The following CTPS2 variants were observed in gnomAD, a reference collection of about 807,000 sequenced individuals.
The protein encoded by CTPS2 is CTP synthase II.
CTPS2 carries 19 observed loss-of-function variants against 46.8 expected under a neutral mutation model. The observed-to-expected ratio is 0.41, with a 90% CI of 0.28 to 0.60. The LOEUF (loss-of-function observed/expected upper bound fraction) is 0.60, where lower values mean the gene tolerates loss of function less well. Among genes scored for constraint, CTPS2 ranks in the 20% least tolerant of loss-of-function variants. CTPS2 has a pLI of 0.35. For missense variants in CTPS2, 286 were observed against 447.6 expected (o/e 0.64, Z 3.26); for synonymous variants, 151 against 165.2 (o/e 0.91, Z 0.66).
At chrX:16,702,326 T>A (rs1924651174) in intron 2 of CTPS2, among the ~76,000 whole-genome samples, 1 of 112,380 alleles carries the variant, frequency 8.9e-6, no homozygotes, top group Non-Finnish European at 1.9e-5. Context: ...AGTGCTGGGA[T>A]TACAGGCATG....
chrX:16,647,255 C>CTTTTTTTTTTTTTT (rs746634342), intron 13 of CTPS2, among the ~76,000 whole-genome samples: 21 of 39,757 alleles, frequency 5.3e-4, no homozygotes, highest in African/African-American at 2.0e-3. Flanking sequence ...TGGGCCCATT[C>CTTTTTTTTTTTTTT]TTTTTTTTTT....
At chrX:16,651,662 A>C (rs1932639264) in intron 13 of CTPS2, among the ~76,000 whole-genome samples, 1 of 112,209 alleles carries the variant, frequency 8.9e-6, no homozygotes, top group African/African-American at 3.2e-5. Flanking sequence ...TCATCACTTA[A>C]ATTTGTGTTA....
intron 1 of CTPS2, chrX:16,711,874 C>T (rs957862203): frequency 9.0e-6 from 1 of 111,255 alleles, no homozygotes; most frequent in African/African-American, 3.3e-5. Flanking sequence ...AAGGGGTGCA[C>T]TGGGACCGGG....
chrX:16,605,567 C>A (rs977854385), intron 17 of CTPS2, among the ~76,000 whole-genome samples: 2 of 111,321 alleles, frequency 1.8e-5, no homozygotes, highest in African/African-American at 6.5e-5. Context: ...ACTAAAAATA[C>A]AAAAATTAGC....
At chrX:16,708,378 C>A (rs993317825) in intron 1 of CTPS2, among the ~76,000 whole-genome samples, 2 of 110,972 alleles carry the variant, frequency 1.8e-5, no homozygotes, top group African/African-American at 6.6e-5. Flanking sequence ...TGATCACATT[C>A]AATGCCATCG....
At chrX:16,655,210 G>A (rs1430054091) in intron 13 of CTPS2, among the ~76,000 whole-genome samples, 1 of 112,146 alleles carries the variant, frequency 8.9e-6, no homozygotes, top group Non-Finnish European at 1.9e-5. Flanking sequence ...AATGACCCTC[G>A]ACGGGGAACA....
intron 17 of CTPS2, among the ~76,000 whole-genome samples, chrX:16,597,801 C>G (rs1329927628): frequency 3.7e-5 from 4 of 109,332 alleles, no homozygotes; most frequent in South Asian, 8.0e-4. Flanking sequence ...GCCATTTTCA[C>G]GATATTGATT....
At chrX:16,604,252 G>T (rs142056505) in intron 17 of CTPS2, among the ~76,000 whole-genome samples, 1 of 112,083 alleles carries the variant, frequency 8.9e-6, no homozygotes, top group East Asian at 2.8e-4. Context: ...AATGACTCAA[G>T]ATTCTGGTTT....
intron 14 of CTPS2, among the ~76,000 whole-genome samples, chrX:16,635,363 G>GA (rs1184474804): frequency 3.3e-4 from 36 of 109,269 alleles, no homozygotes; most frequent in Non-Finnish European, 5.9e-4. Flanking sequence ...TTGACTAGGA[G>GA]AAAAAAAAAC....
chrX:16,643,264 G>A (rs1375685751), intron 13 of CTPS2, among the ~76,000 whole-genome samples: 1 of 111,950 alleles, frequency 8.9e-6, no homozygotes, highest in Non-Finnish European at 1.9e-5. Context: ...CTTTCCTTTT[G>A]TTCCTCATCG....
intron 13 of CTPS2, among the ~76,000 whole-genome samples, chrX:16,653,801 T>C (rs1932757901): frequency 8.9e-6 from 1 of 111,959 alleles, no homozygotes; most frequent in Admixed American, 9.5e-5. Flanking sequence ...AGTTAAGGGG[T>C]TGAGCTCTGG....
chrX:16,660,588 G>C (rs1024829592), intron 13 of CTPS2, among the ~76,000 whole-genome samples: 14 of 110,470 alleles, frequency 1.3e-4, no homozygotes, highest in African/African-American at 4.0e-4. Flanking sequence ...TTTTAGTAGA[G>C]ACAGGATTTC....
intron 8 of CTPS2, among the ~76,000 whole-genome samples, chrX:16,683,460 G>C (rs768096180): frequency 2.7e-5 from 3 of 110,745 alleles, no homozygotes; most frequent in African/African-American, 9.9e-5. Context: ...TTAGCCAGGC[G>C]TGGTGGGGCA....
At chrX:16,591,237 A>T (rs1201159283) in intron 17 of CTPS2, among the ~76,000 whole-genome samples, 2 of 111,682 alleles carry the variant, frequency 1.8e-5, no homozygotes, top group Non-Finnish European at 3.8e-5. Flanking sequence ...CTTGCTTTCT[A>T]CTAGAGGTGT....
At chrX:16,656,362 T>A (rs1049236341) in intron 13 of CTPS2, among the ~76,000 whole-genome samples, 5 of 111,948 alleles carry the variant, frequency 4.5e-5, no homozygotes, top group Admixed American at 9.5e-5. Flanking sequence ...ACTGCCACAC[T>A]ATACTTTCTG....
intron 8 of CTPS2, among the ~76,000 whole-genome samples, chrX:16,683,681 A>G (rs1389471685): frequency 8.9e-6 from 1 of 112,356 alleles, no homozygotes; most frequent in Non-Finnish European, 1.9e-5. Context: ...AAAAAGTTAA[A>G]AGCATTAAAA....
chrX:16,627,460 T>C (rs113432683), intron 14 of CTPS2, among the ~76,000 whole-genome samples: 1,832 of 112,035 alleles, frequency 0.016, 33 homozygotes, highest in African/African-American at 0.055. Flanking sequence ...TTTCCAGATT[T>C]TCTTGAAAAT....
intron 13 of CTPS2, among the ~76,000 whole-genome samples, chrX:16,641,244 A>C (rs759358581): frequency 8.9e-6 from 1 of 111,891 alleles, no homozygotes; most frequent in African/African-American, 3.2e-5. Flanking sequence ...GTTTCAGACA[A>C]CCTGAACCAT....
At chrX:16,601,148 G>T (rs934443581) in intron 17 of CTPS2, among the ~76,000 whole-genome samples, 7 of 111,634 alleles carry the variant, frequency 6.3e-5, no homozygotes, top group Admixed American at 9.5e-5. Flanking sequence ...GTGATTCCAA[G>T]TTTGAAACAA....
Sources: gnomAD v4.1 joint callset for allele counts (sites outside exome capture counted in the v4.1 genomes callset) on GRCh38, gnomAD v4.1.1 for gene constraint, MANE v1.5 for transcripts, NCBI Gene and HGNC (gene_info 2026-07-23, HGNC 2026-07-21) for gene names.